The following INPP5K variants were observed in gnomAD, a reference collection of about 807,000 sequenced individuals.
The protein encoded by INPP5K is inositol polyphosphate 5-phosphatase K.
Under a neutral mutation model 53.5 loss-of-function variants are expected in INPP5K, and 35 were observed. The ratio of observed to expected loss-of-function variants is 0.65; its 90% CI spans 0.50 to 0.87. INPP5K has a LOEUF of 0.87. Among genes scored for constraint, INPP5K ranks in the 40% least tolerant of loss-of-function variants. The pLI is 0.00. For synonymous variants in INPP5K, 253 were observed against 232.8 expected (o/e 1.09, Z -0.79); for missense variants, 550 against 586.2 (o/e 0.94, Z 0.64).
intron 7 of INPP5K, among the ~76,000 whole-genome samples, chr17:1,502,241 C>T (rs1006305898): frequency 1.3e-5 from 2 of 152,094 alleles, no homozygotes; most frequent in African/African-American, 2.4e-5. Flanking sequence ...CCCAGCTACT[C>T]AGGAGGCTGA....
chr17:1,516,108 T>A (rs943176254), intron 1 of INPP5K: 1 of 1,212,574 alleles, frequency 8.2e-7, no homozygotes, highest in Middle Eastern at 3.2e-4. Context: ...GCAGACCTCC[T>A]GATGTATGTG....
chr17:1,508,426 C>T (rs2075217207), intron 5 of INPP5K, 200 bp from the exon 6 acceptor site: 1 of 571,656 alleles, frequency 1.7e-6, no homozygotes, highest in African/African-American at 1.9e-5. Flanking sequence ...AGAGACCTAC[C>T]AAAGAGCCTG....
rs1479714040 is a variant in INPP5K at position 1,507,973 on chromosome 17, C to G, written c.666+142G>C. The G allele has an allele frequency of 1.7e-5, 12 of 692,920 alleles. No individual in the cohort carries two copies. The Admixed American group carries it at 2.7e-4, about 16-fold the overall frequency. The allele number at this position is 692,920 out of a possible 1,614,324, so 42.9% of individuals were successfully genotyped here. A position where few individuals can be genotyped will look rare whatever the true frequency, so the allele number is the denominator to read the frequency against. On this transcript the variant is annotated intron_variant, in intron 6 of 11. Coordinates refer to ENST00000421807, the MANE Select transcript of INPP5K (RefSeq NM_016532.4). ...GGCGTGGCTGCCTCACCCCTGGATG[C>G]GAAGCCCTGCTAGACAGCCTCCCCC...
At chr17:1,507,511 G>A (rs909415731) in intron 6 of INPP5K, 8 of 181,948 alleles carry the variant, frequency 4.4e-5, no homozygotes, top group Middle Eastern at 2.2e-3. Context: ...GATGGTACCT[G>A]GTGCAAAGCC....
chr17:1,496,295 A>G, intron 10 of INPP5K, 24 bp downstream of exon 10: 1 of 1,549,638 alleles, frequency 6.5e-7, no homozygotes, highest in Non-Finnish European at 8.7e-7. Context: ...CCTGCTGGTG[A>G]TGTACCTGGT....
intron 7 of INPP5K, 79 bp from the exon 8 acceptor site, chr17:1,498,201 A>T: frequency 8.0e-7 from 1 of 1,250,478 alleles, no homozygotes; most frequent in Non-Finnish European, 1.1e-6. Context: ...AGCCCACATG[A>T]GCTTGCTGGA....
intron 7 of INPP5K, among the ~76,000 whole-genome samples, chr17:1,505,796 GAC>G (rs2075139804): frequency 6.6e-6 from 1 of 152,138 alleles, no homozygotes; most frequent in Admixed American, 6.5e-5. Context: ...CCCTCACAGA[GAC>G]ACTCCAGCTA....
rs373396821 is a variant in INPP5K at position 1,509,275 on chromosome 17, G to T, written c.457C>A (p.His153Asn). The T allele has an allele frequency of 3.7e-6, 6 of 1,614,106 alleles. No homozygotes were observed. The highest frequency in any genetic ancestry group is 5.1e-6 in the Non-Finnish European group (6 of 1,180,000). The change falls in exon 5 of 12, where the codon CAC becomes AAC. Residue 153 changes from histidine (H) to asparagine (N), a missense_variant. Physicochemically the swap from His to Asn is moderately conservative, Grantham distance 68. Transcript: ENST00000421807. ...VSIINCHLPPHISNNYQRLEH... is the reference protein window; with the variant it reads ...VSIINCHLPPNISNNYQRLEH... ...AGCCGCTGGTAATTGTTGGAAATGT[G>T]GGGAGGCAGGTGGCAGTTGATGATG...
intron 1 of INPP5K, chr17:1,515,503 G>C (rs2075413353): frequency 3.0e-6 from 3 of 985,576 alleles, no homozygotes; most frequent in East Asian, 1.1e-4. Context: ...GAGCGGGCAG[G>C]AGCTACAGAC....
intron 7 of INPP5K, among the ~76,000 whole-genome samples, chr17:1,499,425 GGAGGTTGCAGT>G (rs559058786): frequency 4.6e-5 from 7 of 152,074 alleles, no homozygotes; most frequent in Non-Finnish European, 1.0e-4. Flanking sequence ...GCTGGCAGGC[GGAGGTTGCAGT>G]GAGCTGAGAT....
Position 1,516,513 on chromosome 17 carries a change from C to G in INPP5K, c.-14G>C, listed in dbSNP as rs781394290. The G allele has an allele frequency of 2.5e-6, 4 of 1,570,818 alleles. No individual in the cohort carries two copies. In the South Asian group the frequency reaches 4.6e-5, roughly 18 times the overall value. The stretch of plus-strand genomic sequence containing the variant: ...CCGCGAGCTCATGGCCGCCGTCGTC[C>G]CCGCGCGGTGGTCCGGCAGGTTCGC... On this transcript the variant is annotated 5_prime_UTR_variant, in exon 1 of 12. Coordinates refer to ENST00000421807, the MANE Select transcript of INPP5K (RefSeq NM_016532.4).
intron 5 of INPP5K, 66 bp downstream of exon 5, chr17:1,509,112 C>A (rs1367085126): frequency 7.6e-7 from 1 of 1,308,622 alleles, no homozygotes; most frequent in Non-Finnish European, 1.1e-6. Flanking sequence ...CAGGCTCACT[C>A]GTGGGGGTTA....
Position 1,513,456 on chromosome 17 carries a change from G to A in INPP5K, c.258C>T (p.Ile86=), listed in dbSNP as rs761672234. 1.2e-6 allele frequency: 2 copies of A among 1,613,420 alleles called. No individual in the cohort carries two copies. Among genetic ancestry groups the A allele is most frequent in the African/African-American group, 2.7e-5 (2 of 74,914 alleles). The change falls in exon 3 of 12, where the codon ATC becomes ATT. Residue 86 remains isoleucine, a synonymous_variant. Transcript: ENST00000421807. ...LMDVLSPLSF[I]KVSHVRMQGI... ...TGCCAATGAACTGGCAAGTTACCTT[G>A]ATGAAGCTCAGAGGGGAAAGCACAT...
intron 3 of INPP5K, among the ~76,000 whole-genome samples, chr17:1,511,271 C>A (rs78612221): frequency 6.6e-6 from 1 of 152,316 alleles, no homozygotes; most frequent in East Asian, 1.9e-4. Flanking sequence ...GCTAAGGAAC[C>A]AGTAGGGCTA....
chr17:1,513,845 T>C (rs774775840), intron 2 of INPP5K, 27 bp downstream of exon 2: 1 of 1,533,076 alleles, frequency 6.5e-7, no homozygotes, highest in Admixed American at 1.7e-5. Context: ...TGGTCAGGGA[T>C]GGGCGAAGGA....
chr17:1,503,006 C>A lies in INPP5K; in HGVS notation c.776+3974G>T, dbSNP rs181652031. Among the ~76,000 whole-genome samples, 273 of 152,220 alleles carry A rather than the reference C, an allele frequency of 1.8e-3. 1 individual carries two copies. Among genetic ancestry groups the A allele is most frequent in the African/African-American group, 6.5e-3 (269 of 41,528 alleles). The stretch of plus-strand genomic sequence containing the variant: ...CTGGACTCAAGCAAGGCTCCCACCC[C>A]AGTCTCCTGAGTAGCTGGGACTACG... On this transcript the variant is annotated intron_variant, in intron 7 of 11. Coordinates refer to ENST00000421807, the MANE Select transcript of INPP5K (RefSeq NM_016532.4).
intron 8 of INPP5K, 138 bp from the exon 9 acceptor site, chr17:1,496,941 G>A (rs1337056296): frequency 6.1e-6 from 5 of 822,696 alleles, no homozygotes; most frequent in East Asian, 5.3e-5. Context: ...ACTCCACTGG[G>A]CTGCTCCAAC....
At chr17:1,511,388 C>T (rs539317995) in intron 3 of INPP5K, among the ~76,000 whole-genome samples, 4 of 152,182 alleles carry the variant, frequency 2.6e-5, no homozygotes, top group Non-Finnish European at 4.4e-5. Context: ...CTCTCCCTCT[C>T]AGGTTCAGGC....
chr17:1,508,865 C>T (rs1285798334), intron 5 of INPP5K: 9 of 283,446 alleles, frequency 3.2e-5, no homozygotes, highest in African/African-American at 2.2e-4. Flanking sequence ...GGGCGGGGAA[C>T]GGTCTGCAGA....
Sources: gnomAD v4.1 joint callset for allele counts (sites outside exome capture counted in the v4.1 genomes callset) on GRCh38, gnomAD v4.1.1 for gene constraint, MANE v1.5 for transcripts, NCBI Gene and HGNC (gene_info 2026-07-23, HGNC 2026-07-21) for gene names.